Variants in USP28 observed in about 807,000 individuals in gnomAD.
USP28 encodes the protein ubiquitin specific peptidase 28, also known as ubiquitin carboxyl-terminal hydrolase 28.
In USP28, 113 loss-of-function variants were observed where a neutral mutation model predicts 145.0. The ratio of observed to expected loss-of-function variants is 0.78; its 90% confidence interval spans 0.67 to 0.91. USP28 has a LOEUF of 0.91. Among genes scored for constraint, USP28 ranks in the 40% least tolerant of loss-of-function variants. USP28 has a pLI of 0.00. For missense variants in USP28, 1,201 were observed against 1,289.6 expected (o/e 0.93, Z 1.05); for synonymous variants, 447 against 450.9 (o/e 0.99, Z 0.11).
chr11:113,804,544 C>A, intron 21 of USP28, 129 bp downstream of exon 22: 1 of 744,642 alleles, frequency 1.3e-6, no homozygotes, highest in Non-Finnish European at 2.1e-6. Context: ...CATTCTTTAC[C>A]AGGATTTTGA....
intron 6 of USP28, 149 bp downstream of exon 6, chr11:113,834,100 A>C (rs1944313119): frequency 1.8e-6 from 1 of 558,348 alleles, no homozygotes. Context: ...TGTTATCCCA[A>C]AAAAGGAAAA....
At chr11:113,809,405 T>G in intron 16 of USP28, 151 bp from the exon 17 acceptor site, 1 of 776,432 alleles carries the variant, frequency 1.3e-6, no homozygotes, top group Non-Finnish European at 2.1e-6. Context: ...TGAGTATCTC[T>G]TATCCAAAAT....
chr11:113,875,521 G>C (rs892744040), exon 1 of USP28: 2 of 1,154,164 alleles, frequency 1.7e-6, no homozygotes, highest in Non-Finnish European at 2.1e-6. Flanking sequence ...GCCCAGCCGC[G>C]GGTCACCGGT....
rs1469319788 is a variant in USP28 at position 113,852,634 on chromosome 11, C to G, written c.136-1G>C. 1 of 1,612,968 alleles carries G rather than the reference C, an allele frequency of 6.2e-7. No homozygotes were observed. Among genetic ancestry groups the G allele is most frequent in the African/African-American group, 1.3e-5 (1 of 74,760 alleles). ...CCTGAGTAATGTCACCATTACTGGC[C>G]TATGGGAGAAAAAGACAATAGAAAT... On this transcript the variant is annotated splice_acceptor_variant, in intron 2 of 24. Coordinates refer to ENST00000003302, the Ensembl canonical transcript of USP28. LOFTEE classifies it high-confidence loss of function.
rs1944452230 is a variant in USP28 at position 113,835,379 on chromosome 11, C to G, written c.535-1044G>C. On this transcript the variant is annotated intron_variant, in intron 5 of 24. Transcript: ENST00000003302. ...GAATTAGAACTAAATAAAACAGCTT[C>G]TTGGTATTCTAAAAGCCCCAGGTAT... The G allele has an allele frequency of 6.6e-6, 3 of 454,964 alleles. No individual in the cohort carries two copies. In the Admixed American group the frequency reaches 7.1e-5, roughly 11 times the overall value. The allele number at this position is 454,964 out of a possible 1,614,324, so 28.2% of individuals were successfully genotyped here.
chr11:113,834,378 T>C lies in USP28; in HGVS notation c.535-43A>G, dbSNP rs755398474. ...AGGGATTCATAGCCTTTCCTGAAAA[T>C]AACTGCAGCAACATATGTATTTTTC... On this transcript the variant is annotated intron_variant, in intron 5 of 24. Coordinates refer to ENST00000003302, the Ensembl canonical transcript of USP28. 5.1e-6 allele frequency: 7 copies of C among 1,374,650 alleles called. No individual in the cohort carries two copies. In the Admixed American group the frequency reaches 1.3e-4, roughly 26 times the overall value. 85.2% of individuals were successfully genotyped at this position (1,374,650 alleles called of 1,614,324 possible).
intron 1 of USP28, 149 bp downstream of exon 1, chr11:113,875,296 C>T: frequency 3.8e-6 from 2 of 528,462 alleles, no homozygotes; most frequent in Non-Finnish European, 5.2e-6. Context: ...GAGCCCTTGG[C>T]CTTCTCACCC....
intron 1 of USP28, among the ~76,000 whole-genome samples, chr11:113,863,405 G>A (rs1947906828): frequency 1.3e-5 from 2 of 152,118 alleles, no homozygotes; most frequent in Non-Finnish European, 2.9e-5. Flanking sequence ...CAGCACTTTG[G>A]GAGGCTGAGG....
intron 24 of USP28, among the ~76,000 whole-genome samples, chr11:113,800,166 C>G (rs1408511248): frequency 1.3e-5 from 2 of 151,964 alleles, no homozygotes; most frequent in Non-Finnish European, 2.9e-5. Flanking sequence ...CCACCACACC[C>G]GGCTAATTTT....
In USP28 at chr11:113,862,593, G is replaced by A. The variant is rs552628231; in HGVS notation, c.58-8258C>T. ...TGAGTTACAGGGCTACTGAGTAAACGAACTGTGACGAGAGAGGCAGGATGC... is the reference window on the plus strand; with the variant it reads ...TGAGTTACAGGGCTACTGAGTAAACAAACTGTGACGAGAGAGGCAGGATGC... On this transcript the variant is annotated intron_variant, in intron 1 of 24. Transcript: ENST00000003302. Among the ~76,000 whole-genome samples the A allele has an allele frequency of 1.2e-4, 18 of 152,264 alleles. No individual in the cohort carries two copies. The South Asian group carries it at 3.3e-3, about 28-fold the overall frequency.
At chr11:113,803,944 G>A in intron 21 of USP28, 67 bp from the exon 23 acceptor site, 1 of 1,403,466 alleles carries the variant, frequency 7.1e-7, no homozygotes, top group Non-Finnish European at 1.0e-6. Flanking sequence ...TCCCATCTAA[G>A]TTTTAAATTC....
chr11:113,856,025 C>T (rs1402570470), intron 1 of USP28, among the ~76,000 whole-genome samples: 18 of 152,226 alleles, frequency 1.2e-4, no homozygotes, highest in Admixed American at 1.2e-3. Flanking sequence ...AGCAGACTTT[C>T]ACGCTATGAG....
chr11:113,819,108 T>C (rs1942204466), intron 12 of USP28, among the ~76,000 whole-genome samples: 1 of 151,498 alleles, frequency 6.6e-6, no homozygotes, highest in Non-Finnish European at 1.5e-5. Flanking sequence ...TAGTGAGCAT[T>C]TTTATTCTTT....
exon 18 of USP28, chr11:113,808,331 A>G: frequency 6.2e-7 from 1 of 1,613,916 alleles, no homozygotes; most frequent in Non-Finnish European, 8.5e-7. Flanking sequence ...CGCTCTTCTC[A>G]TAGGCACGGG....
chr11:113,871,947 C>T (rs1948862752), intron 1 of USP28, among the ~76,000 whole-genome samples: 1 of 152,166 alleles, frequency 6.6e-6, no homozygotes, highest in Non-Finnish European at 1.5e-5. Context: ...ACAATTCCAA[C>T]TGTACCATAT....
rs1939619777 is a variant in USP28 at position 113,804,670 on chromosome 11, T to C, written c.2658+3A>G. ...CTCTATAGACTTAAAGAAAACACTT[T>C]ACCTTGTACTCTTCCATATTCATGT... On this transcript the variant is annotated splice_donor_region_variant and intron_variant, in intron 21 of 24. Coordinates refer to ENST00000003302, the Ensembl canonical transcript of USP28. 1 of 1,608,952 alleles carries C rather than the reference T, an allele frequency of 6.2e-7. No individual in the cohort carries two copies. Among genetic ancestry groups the C allele is most frequent in the Non-Finnish European group, 8.5e-7 (1 of 1,178,762 alleles).
rs111324813 is a variant in USP28 at position 113,828,310 on chromosome 11, C to T, written c.1059+887G>A. Among the ~76,000 whole-genome samples, 1,210 of 152,270 alleles carry T rather than the reference C, an allele frequency of 7.9e-3. 19 individuals carry two copies. The highest frequency in any genetic ancestry group is 0.028 in the African/African-American group (1,168 of 41,544). ...TCCTGGAATACAGGTCTCCACAGGC[C>T]TAAGTATAGCTGGTGAAGACTCCCT... On this transcript the variant is annotated intron_variant, in intron 10 of 24. Transcript: ENST00000003302.
chr11:113,817,741 GCTTT>G lies in USP28; in HGVS notation c.1376_1379del (p.Glu459AlafsTer10). 2 of 1,614,204 alleles carry G rather than the reference GCTTT, an allele frequency of 1.2e-6. No individual in the cohort carries two copies. The highest frequency in any genetic ancestry group is 1.7e-6 in the Non-Finnish European group (2 of 1,180,032). ...TATGTGTGTCACTTTCAGGTGGACA[GCTTT>G]CTGAGGCAGGTTTTGTACTAGCAAA... On this transcript the variant is annotated frameshift_variant, in exon 13 of 25. Transcript: ENST00000003302. LOFTEE classifies it high-confidence loss of function.
chr11:113,801,486 C>T (rs756762753), exon 24 of USP28: 2 of 1,574,336 alleles, frequency 1.3e-6, no homozygotes, highest in Non-Finnish European at 1.7e-6. Context: ...CATATACCTG[C>T]AATATCTTGC....
Sources: allele counts gnomAD v4.1 joint callset (sites outside exome capture counted in the v4.1 genomes callset), GRCh38; gene constraint gnomAD v4.1.1; transcripts MANE v1.5; gene names NCBI Gene and HGNC (gene_info 2026-07-23, HGNC 2026-07-21).